The following SH3GL3 variants were observed in gnomAD, a reference collection of about 807,000 sequenced individuals.
SH3GL3 encodes endophilin-A3.
A neutral mutation model predicts 47.7 loss-of-function variants in SH3GL3; 33 were observed. The ratio of observed to expected loss-of-function variants is 0.69; its 90% CI spans 0.52 to 0.92. The LOEUF (loss-of-function observed/expected upper bound fraction) is 0.92, where lower values mean the gene tolerates loss of function less well. Ranked by LOEUF, SH3GL3 falls within the 40% of genes least tolerant of loss-of-function variation. SH3GL3 has a pLI of 0.00. For synonymous variants in SH3GL3, 155 were observed against 148.8 expected (o/e 1.04, Z -0.30); for missense variants, 363 against 417.8 (o/e 0.87, Z 1.14).
At chr15:83,629,252 G>C in the SH3GL3 span, among the ~76,000 whole-genome samples, 5 of 152,018 alleles carry the variant, frequency 3.3e-5, no homozygotes, top group African/African-American at 4.8e-5. Context: ...AAATCCAAAA[G>C]TCCTAGAATA....
At chr15:83,543,545 C>G (rs1344188238) in intron 1 of SH3GL3, among the ~76,000 whole-genome samples, 2 of 152,008 alleles carry the variant, frequency 1.3e-5, no homozygotes, top group African/African-American at 4.8e-5. Context: ...CCCTCCTCCT[C>G]TATTTTTTAG....
chr15:83,588,052 C>G (rs771902659), intron 7 of SH3GL3, among the ~76,000 whole-genome samples: 1 of 152,122 alleles, frequency 6.6e-6, no homozygotes, highest in Non-Finnish European at 1.5e-5. Context: ...CACTGGGTGC[C>G]GACCGCGTCC....
chr15:83,561,341 G>A (rs1297941047), intron 2 of SH3GL3, among the ~76,000 whole-genome samples: 2 of 151,642 alleles, frequency 1.3e-5, no homozygotes, highest in African/African-American at 4.9e-5. Context: ...TTAAAAATAT[G>A]TAAAAATAAT....
intron 1 of SH3GL3, among the ~76,000 whole-genome samples, chr15:83,497,726 A>G (rs1820145839): frequency 6.6e-6 from 1 of 152,256 alleles, no homozygotes; most frequent in Middle Eastern, 3.4e-3. Flanking sequence ...ACTGTCAACC[A>G]ATGTAATCTA....
intron 1 of SH3GL3, among the ~76,000 whole-genome samples, chr15:83,514,665 CTCTA>C (rs2042907777): frequency 6.6e-6 from 1 of 152,180 alleles, no homozygotes; most frequent in African/African-American, 2.4e-5. Flanking sequence ...AGTTGTGTTT[CTCTA>C]TCTATAGGCA....
chr15:83,482,669 A>G (rs2041416354), intron 1 of SH3GL3, among the ~76,000 whole-genome samples: 1 of 151,760 alleles, frequency 6.6e-6, no homozygotes. Flanking sequence ...AACTTTTTGT[A>G]TTTTTAGTAG....
In SH3GL3 at chr15:83,472,765, A is replaced by G. The variant is rs116530222; in HGVS notation, c.45+25187A>G. 1.4e-3 allele frequency among the ~76,000 whole-genome samples: 215 copies of G among 152,230 alleles called. 1 individual carries two copies. The highest frequency in any genetic ancestry group is 4.9e-3 in the African/African-American group (203 of 41,538). ...GTCTTGGCATGATTATTGTTTTATT[A>G]AAATCTGGGCATTTGGGGCTATGAT... On this transcript the variant is annotated intron_variant, in intron 1 of 8. Transcript: ENST00000427482.
At chr15:83,519,508 T>C (rs920642890) in intron 1 of SH3GL3, among the ~76,000 whole-genome samples, 2 of 152,180 alleles carry the variant, frequency 1.3e-5, no homozygotes, top group African/African-American at 4.8e-5. Flanking sequence ...TTTTTGCGCA[T>C]TGATTTTGTA....
At chr15:83,568,801 C>A in intron 4 of SH3GL3, 129 bp downstream of exon 4, 1 of 619,800 alleles carries the variant, frequency 1.6e-6, no homozygotes, top group Non-Finnish European at 2.7e-6. Context: ...ATGTTAATTG[C>A]AGGAGGTTTA....
intron 1 of SH3GL3, among the ~76,000 whole-genome samples, chr15:83,504,105 CT>C (rs1325210876): frequency 6.6e-6 from 1 of 152,052 alleles, no homozygotes; most frequent in Non-Finnish European, 1.5e-5. Context: ...AATAATTTTC[CT>C]GTTAGTCATT....
At chr15:83,547,708 C>T (rs2044472315) in intron 1 of SH3GL3, among the ~76,000 whole-genome samples, 1 of 151,228 alleles carries the variant, frequency 6.6e-6, no homozygotes, top group Non-Finnish European at 1.5e-5. Flanking sequence ...TCTTTTTGCA[C>T]CTGTTTATTT....
chr15:83,600,343 A>T (rs1416559864), intron 8 of SH3GL3, among the ~76,000 whole-genome samples: 4 of 152,164 alleles, frequency 2.6e-5, no homozygotes, highest in Non-Finnish European at 2.9e-5. Flanking sequence ...TAAGTCCTTG[A>T]TCCACGTTGA....
At chr15:83,460,058 C>CT in intron 1 of SH3GL3, among the ~76,000 whole-genome samples, 16 of 48,018 alleles carry the variant, frequency 3.3e-4, no homozygotes, top group African/African-American at 5.3e-4. Context: ...CCCTCCCTGC[C>CT]TCCCTCCCTC....
Position 83,611,347 on chromosome 15 carries a change from T to A in SH3GL3, c.839-6735T>A, listed in dbSNP as rs922721716. 6.0e-4 allele frequency: 91 copies of A among 152,130 alleles called. 5 individuals are homozygous for A. Among genetic ancestry groups the A allele is most frequent in the Non-Finnish European group, 5.9e-5 (4 of 68,024 alleles). The allele number at this position is 152,130 out of a possible 1,614,324, so 9.4% of individuals were successfully genotyped here. ...CACTCCCTTTTCTCTGTTAAAATAATCTTTGTTTCAATACTTTAACAAGGA... is the reference window on the plus strand; with the variant it reads ...CACTCCCTTTTCTCTGTTAAAATAAACTTTGTTTCAATACTTTAACAAGGA... On this transcript the variant is annotated intron_variant, in intron 8 of 8. Transcript: ENST00000427482.
chr15:83,616,876 C>T (rs957774588), intron 8 of SH3GL3, among the ~76,000 whole-genome samples: 11 of 151,892 alleles, frequency 7.2e-5, no homozygotes, highest in Admixed American at 5.2e-4. Flanking sequence ...AAAGAAGAAC[C>T]GTAAATGTCC....
chr15:83,496,009 A>G (rs915253743), intron 1 of SH3GL3, among the ~76,000 whole-genome samples: 1 of 152,086 alleles, frequency 6.6e-6, no homozygotes, highest in African/African-American at 2.4e-5. Flanking sequence ...GGAGGCAAAG[A>G]AACACGTATA....
In SH3GL3 at chr15:83,448,991, C is replaced by G. The variant is rs1401447296; in HGVS notation, c.45+1413C>G. Among the ~76,000 whole-genome samples, 4 of 152,124 alleles carry G rather than the reference C, an allele frequency of 2.6e-5. No homozygotes were observed. Among genetic ancestry groups the G allele is most frequent in the African/African-American group, 9.7e-5 (4 of 41,426 alleles). The stretch of plus-strand genomic sequence containing the variant: ...CACTGGCCTGGGTTGGGGTGCATAT[C>G]CTGACCTGCAGCTCAGGGGGTGAGG... On this transcript the variant is annotated intron_variant, in intron 1 of 8. Transcript: ENST00000427482. The surrounding 1 kb of genome is among the most constrained non-coding windows in gnomAD (Gnocchi z 4.2).
At chr15:83,459,014 A>G (rs551288769) in intron 1 of SH3GL3, among the ~76,000 whole-genome samples, 1 of 152,316 alleles carries the variant, frequency 6.6e-6, no homozygotes, top group Non-Finnish European at 1.5e-5. Context: ...GGAAGCTGAC[A>G]GTGCAGCCTT....
At chr15:83,533,408 C>G (rs1418635325) in intron 1 of SH3GL3, among the ~76,000 whole-genome samples, 1 of 152,106 alleles carries the variant, frequency 6.6e-6, no homozygotes, top group African/African-American at 2.4e-5. Flanking sequence ...CATATAGGAG[C>G]TTCTGAAGAC....
Sources: allele counts gnomAD v4.1 joint callset (sites outside exome capture counted in the v4.1 genomes callset), GRCh38; gene constraint gnomAD v4.1.1; non-coding constraint Gnocchi (gnomAD v3.1); transcripts MANE v1.5; gene names NCBI Gene and HGNC (gene_info 2026-07-23, HGNC 2026-07-21).